The following NOS3 variants were observed in gnomAD, a reference collection of about 807,000 sequenced individuals.
The protein encoded by NOS3 is NOS type III.
A neutral mutation model predicts 144.9 loss-of-function variants in NOS3; 98 were observed. The observed-to-expected ratio is 0.68, with a 90% CI of 0.57 to 0.80. The LOEUF (loss-of-function observed/expected upper bound fraction) is 0.80. Ranked by LOEUF, NOS3 falls within the 30% of genes least tolerant of loss-of-function variation. NOS3 has a pLI of 0.00. For missense variants in NOS3, 1,465 were observed against 1,656.4 expected, an observed-to-expected ratio of 0.88 and a Z score of 2.01; for synonymous variants, 714 against 702.4, an observed-to-expected ratio of 1.02 and a Z score of -0.26.
Position 151,001,579 on chromosome 7 carries a change from C to T in NOS3, c.1464C>T (p.Thr488=), listed in dbSNP as rs138269110. The T allele has an allele frequency of 1.7e-5, 27 of 1,613,860 alleles. No homozygotes were observed. In the African/African-American group the frequency reaches 2.1e-4, roughly 13 times the overall value. ...DPWKGSAAKG[T]GITRKKTFKE... ...GGAAGGGGAGTGCCGCCAAGGGCAC[C>T]GGCATCACCAGGAAGAAGACCTTTA... Residue 488 remains threonine (T), a synonymous_variant, in exon 12 of 27, where the codon ACC becomes ACT. Transcript: ENST00000297494.
At position 151,001,220 on chromosome 7, in the gene NOS3, C is replaced by G. The variant is rs1382766864; in HGVS notation, c.1234-11C>G. The G allele has an allele frequency of 6.2e-7, 1 of 1,611,998 alleles. No homozygotes were observed. Among genetic ancestry groups the G allele is most frequent in the Non-Finnish European group, 8.5e-7 (1 of 1,179,870 alleles). On this transcript the variant is annotated splice_polypyrimidine_tract_variant and intron_variant, in intron 10 of 26. Coordinates refer to ENST00000297494, the MANE Select transcript of NOS3 (RefSeq NM_000603.5). ...CTGGTTTGAGCCTCTCCCCCTCTCT[C>G]TCCCTTCCAGCTAGCCAAAGTCACC...
intron 17 of NOS3, 93 bp from the exon 18 acceptor site, chr7:151,008,837 C>G: frequency 7.1e-7 from 1 of 1,412,526 alleles, no homozygotes. Flanking sequence ...TGCCAACCCC[C>G]CAGGAGCAAG....
chr7:151,001,417 C>G lies in NOS3; in HGVS notation c.1420C>G (p.Arg474Gly). ...CAACTATTTCCTGTCCCCGGCCTTC[C>G]GCTACCAGGTGCCCACCCTAACTGG... ...MVNYFLSPAFRYQPDPWKGSA... is the reference protein window; with the variant it reads ...MVNYFLSPAFGYQPDPWKGSA... Residue 474 changes from arginine (R) to glycine (G), a missense_variant, in exon 11 of 27, where the codon CGC (arginine) becomes GGC (glycine). Physicochemically the swap from Arg to Gly is moderately radical, Grantham distance 125 (BLOSUM62 -2). This residue lies in a region of NOS3 where 745 missense variants were observed against 853.9 expected (regional missense o/e 0.87). Transcript: ENST00000297494. The G allele has an allele frequency of 6.3e-7, 1 of 1,586,988 alleles. No homozygotes were observed. Among genetic ancestry groups the G allele is most frequent in the Non-Finnish European group, 8.6e-7 (1 of 1,165,006 alleles).
Position 151,003,682 on chromosome 7 carries a change from T to C in NOS3, c.1752+1378T>C, listed in dbSNP as rs1196171019. The C allele has an allele frequency of 1.6e-6, 1 of 623,830 alleles. No homozygotes were observed. The highest frequency in any genetic ancestry group is 2.7e-6 in the Non-Finnish European group (1 of 366,136). 38.6% of individuals were successfully genotyped at this position (623,830 alleles called of 1,614,324 possible). On this transcript the variant is annotated intron_variant, in intron 14 of 26. Coordinates refer to ENST00000297494, the MANE Select transcript of NOS3 (RefSeq NM_000603.5). The surrounding 1 kb of genome is among the most constrained non-coding windows in gnomAD (Gnocchi z 4.1). The stretch of plus-strand genomic sequence containing the variant: ...TCTGTCTCCCTGCCAGAAGTGTCTG[T>C]CACCACAGAATAGTTTCGCCTGCTC...
At chr7:151,009,688 C>A in intron 20 of NOS3, 103 bp downstream of exon 20, 3 of 956,836 alleles carry the variant, frequency 3.1e-6, no homozygotes, top group South Asian at 1.7e-5. Context: ...AGGGGGTGGC[C>A]ACCTCCTCCA....
intron 24 of NOS3, 175 bp downstream of exon 24, chr7:151,012,647 G>A: frequency 1.5e-6 from 1 of 682,330 alleles, no homozygotes; most frequent in Admixed American, 3.0e-5. Flanking sequence ...GCTGGGCCCT[G>A]AGCTTCTGGC....
chr7:151,004,557 C>T (rs748236259), intron 14 of NOS3, among the ~76,000 whole-genome samples: 1 of 152,108 alleles, frequency 6.6e-6, no homozygotes, highest in Non-Finnish European at 1.5e-5. Context: ...AAATGACCAT[C>T]GACAAATACT....
In NOS3 at chr7:151,008,961, A is replaced by T. The variant is rs766207490; in HGVS notation, c.2144A>T (p.Asp715Val). Residue 715 changes from aspartate to valine, a missense_variant, in exon 18 of 27, where the codon GAT becomes GTT. By Grantham distance (152) the Asp-to-Val change is radical. Around this residue, in one of 5 missense-constraint regions of NOS3, gnomAD observed 745 missense variants for 853.9 expected, o/e 0.87. Transcript: ENST00000297494. Reference protein sequence around the residue: ...AACETFCVGEDAKAAARDIFS... With the variant: ...AACETFCVGEVAKAAARDIFS... Reference sequence around the variant, plus strand: ...TGTGAGACCTTCTGTGTGGGAGAGGATGCCAAGGCCGCCGCCCGAGACATC... The same window carrying T: ...TGTGAGACCTTCTGTGTGGGAGAGGTTGCCAAGGCCGCCGCCCGAGACATC... 8 of 1,610,470 alleles carry T rather than the reference A, an allele frequency of 5.0e-6. No individual in the cohort carries two copies. The Admixed American group carries it at 1.3e-4, about 27-fold the overall frequency.
At chr7:150,992,166 G>T in intron 1 of NOS3, among the ~76,000 whole-genome samples, 1 of 148,528 alleles carries the variant, frequency 6.7e-6, no homozygotes, top group South Asian at 2.1e-4. Context: ...AAAAAAGACA[G>T]AAGGATGTCA....
chr7:150,996,949 G>A (rs906817746), intron 5 of NOS3, 24 bp downstream of exon 5: 1 of 1,544,878 alleles, frequency 6.5e-7, no homozygotes, highest in Non-Finnish European at 8.7e-7. Context: ...GCGACTGAGA[G>A]ACCCGGGCGC....
chr7:150,992,744 T>G (rs1244282417), intron 1 of NOS3, among the ~76,000 whole-genome samples: 1 of 152,142 alleles, frequency 6.6e-6, no homozygotes, highest in Non-Finnish European at 1.5e-5. Flanking sequence ...GTCTCTCAGC[T>G]TCCGTTTCTT....
chr7:151,012,935 G>A, intron 24 of NOS3: 1 of 452,514 alleles, frequency 2.2e-6, no homozygotes. Context: ...CGGGGAAGGG[G>A]ACTGCGATGT....
At chr7:151,000,635 T>C (rs1375372591) in intron 10 of NOS3, 36 bp downstream of exon 10, 6 of 1,424,456 alleles carry the variant, frequency 4.2e-6, no homozygotes, top group Admixed American at 3.4e-5. Context: ...AGGCAAAGGG[T>C]TTGCATACGG....
In NOS3 at chr7:151,003,502, C is replaced by T; in HGVS notation, c.1752+1198C>T. On this transcript the variant is annotated intron_variant, in intron 14 of 26. Transcript: ENST00000297494. The surrounding 1 kb of genome is among the most constrained non-coding windows in gnomAD (Gnocchi z 4.1). ...GTGTCCGTTTCAGCCCTCATTCTGACCTACCTTTTCAAGAAAAATAGCACC... is the reference window on the plus strand; with the variant it reads ...GTGTCCGTTTCAGCCCTCATTCTGATCTACCTTTTCAAGAAAAATAGCACC... The T allele has an allele frequency of 1.6e-6, 2 of 1,251,276 alleles. No individual in the cohort carries two copies. Among genetic ancestry groups the T allele is most frequent in the Non-Finnish European group, 2.1e-6 (2 of 963,124 alleles). The allele number at this position is 1,251,276 out of a possible 1,614,324, so 77.5% of individuals were successfully genotyped here. A position where few individuals can be genotyped will look rare whatever the true frequency, so the allele number is the denominator to read the frequency against.
intron 12 of NOS3, 35 bp downstream of exon 12, chr7:151,001,652 AC>A (rs1409770681): frequency 3.1e-6 from 5 of 1,598,034 alleles, no homozygotes; most frequent in African/African-American, 1.3e-5. Context: ...TCCCACACAC[AC>A]CCTGGGGGCC....
At position 150,993,337 on chromosome 7, in the gene NOS3, G is replaced by A. The variant is rs184623039; in HGVS notation, c.-51-416G>A. Among the ~76,000 whole-genome samples, 1 of 152,332 alleles carries A rather than the reference G, an allele frequency of 6.6e-6. No individual in the cohort carries two copies. The highest frequency in any genetic ancestry group is 1.5e-5 in the Non-Finnish European group (1 of 68,018). On this transcript the variant is annotated intron_variant, in intron 1 of 26. Transcript: ENST00000297494. This position sits in a 1 kb window ranked among gnomAD's most constrained non-coding sequence, Gnocchi z 4.0. Reference sequence around the variant, plus strand: ...CTAGAGGTCCCTGTGGTCACTGAGAGTGTGGGCTGCCATCCCCTGCTACAG... The same window carrying A: ...CTAGAGGTCCCTGTGGTCACTGAGAATGTGGGCTGCCATCCCCTGCTACAG...
chr7:151,000,313 C>A (rs1795061107), intron 9 of NOS3, among the ~76,000 whole-genome samples, 185 bp from the exon 10 acceptor site: 1 of 152,056 alleles, frequency 6.6e-6, no homozygotes, highest in Non-Finnish European at 1.5e-5. Flanking sequence ...GGCCCAAAGT[C>A]CCTCTCTGCT....
chr7:151,010,567 C>A, intron 21 of NOS3, 30 bp from the exon 22 acceptor site: 3 of 1,525,774 alleles, frequency 2.0e-6, no homozygotes, highest in Non-Finnish European at 2.7e-6. Flanking sequence ...GGCTATGGGG[C>A]CTCCAACCCA....
chr7:150,994,987 AG>A (rs1275104298), intron 2 of NOS3, among the ~76,000 whole-genome samples: 2 of 152,154 alleles, frequency 1.3e-5, no homozygotes, highest in African/African-American at 4.8e-5. Flanking sequence ...TCAGGGGCTC[AG>A]GAGCTCAGCA....
Sources: gnomAD v4.1 joint callset for allele counts (sites outside exome capture counted in the v4.1 genomes callset) on GRCh38, gnomAD v4.1.1 for gene constraint, gnomAD v4.1.1 regional missense constraint, Gnocchi (gnomAD v3.1) non-coding constraint, MANE v1.5 for transcripts, NCBI Gene and HGNC (gene_info 2026-07-23, HGNC 2026-07-21) for gene names.